Variants in PTPRT observed in about 807,000 individuals in gnomAD.
PTPRT encodes the protein protein tyrosine phosphatase receptor type T.
A neutral mutation model predicts 176.8 loss-of-function variants in PTPRT; 56 were observed. That is an observed-to-expected ratio of 0.32 (90% confidence interval 0.26 to 0.40). The LOEUF is 0.40. Ranked by LOEUF, PTPRT falls within the 10% of genes least tolerant of loss-of-function variation. PTPRT has a pLI of 1.00. For synonymous variants in PTPRT, 783 were observed against 739.0 expected (o/e 1.06, Z -0.96); for missense variants, 1,540 against 1,908.2 (o/e 0.81, Z 3.60).
At chr20:43,169,933 T>C (rs1387267554) in intron 1 of PTPRT, among the ~76,000 whole-genome samples, 1 of 152,170 alleles carries the variant, frequency 6.6e-6, no homozygotes, top group African/African-American at 2.4e-5. Flanking sequence ...AATATCTCTT[T>C]GGTGGCTCAG....
At chr20:42,264,495 A>G (rs2056806425) in intron 13 of PTPRT, among the ~76,000 whole-genome samples, 1 of 152,192 alleles carries the variant, frequency 6.6e-6, no homozygotes, top group African/African-American at 2.4e-5. Context: ...TGCCCAGAAC[A>G]GCTGAGGAGG....
At chr20:42,206,997 C>A (rs552055319) in intron 15 of PTPRT, among the ~76,000 whole-genome samples, 156 of 152,340 alleles carry the variant, frequency 1.0e-3, no homozygotes, top group African/African-American at 3.5e-3. Context: ...GACCCCCGAG[C>A]AGCCTAACTG....
intron 12 of PTPRT, among the ~76,000 whole-genome samples, chr20:42,295,883 TC>T (rs2057379300): frequency 6.6e-6 from 1 of 152,192 alleles, no homozygotes; most frequent in Non-Finnish European, 1.5e-5. Flanking sequence ...GGGCTCTAGT[TC>T]CTTTGCTTCG....
intron 5 of PTPRT, among the ~76,000 whole-genome samples, chr20:42,758,941 G>T (rs775039481): frequency 2.0e-5 from 3 of 152,256 alleles, no homozygotes; most frequent in African/African-American, 7.2e-5. Context: ...CTTTGCAGGA[G>T]ATGGCACAAC....
At chr20:43,044,669 C>T (rs1986762695) in intron 1 of PTPRT, among the ~76,000 whole-genome samples, 1 of 152,138 alleles carries the variant, frequency 6.6e-6, no homozygotes, top group African/African-American at 2.4e-5. Flanking sequence ...ACTGATAGCA[C>T]CTACCTCAAA....
chr20:42,915,767 AT>A (rs913379743), intron 1 of PTPRT, among the ~76,000 whole-genome samples: 21 of 148,278 alleles, frequency 1.4e-4, no homozygotes, highest in Admixed American at 5.4e-4. Context: ...AATTTTTTGT[AT>A]TTTTTTTTTC....
intron 16 of PTPRT, among the ~76,000 whole-genome samples, chr20:42,195,953 C>T (rs1991199747): frequency 6.6e-6 from 1 of 152,164 alleles, no homozygotes; most frequent in African/African-American, 2.4e-5. Context: ...GTGTTTTCAT[C>T]TTAAGGGTCT....
the PTPRT span, among the ~76,000 whole-genome samples, chr20:42,039,607 T>A: frequency 9.9e-5 from 15 of 151,108 alleles, no homozygotes; most frequent in African/African-American, 3.4e-4. Flanking sequence ...CCTGGCTTAC[T>A]TAACATAATG....
At chr20:42,881,716 C>A (rs544772645) in intron 2 of PTPRT, among the ~76,000 whole-genome samples, 1 of 117,300 alleles carries the variant, frequency 8.5e-6, no homozygotes, top group African/African-American at 3.5e-5. Flanking sequence ...CAGAGCGACA[C>A]TCTGTCTCAA....
intron 9 of PTPRT, among the ~76,000 whole-genome samples, chr20:42,417,462 T>C (rs2059076778): frequency 6.6e-6 from 1 of 152,018 alleles, no homozygotes; most frequent in Admixed American, 6.6e-5. Context: ...GCTACCCCTA[T>C]ATTCCTTCTC....
intron 9 of PTPRT, among the ~76,000 whole-genome samples, chr20:42,402,990 CATT>C (rs2058924124): frequency 6.6e-6 from 1 of 152,194 alleles, no homozygotes; most frequent in Middle Eastern, 3.4e-3. Flanking sequence ...AGAAGGCAAT[CATT>C]ATTTAATTAT....
chr20:42,035,911 G>T, the PTPRT span, among the ~76,000 whole-genome samples: 2 of 152,188 alleles, frequency 1.3e-5, no homozygotes, highest in South Asian at 4.1e-4. Context: ...TCATTTATCT[G>T]TGTTTTTGTT....
At chr20:43,042,157 G>A (rs1042768122) in intron 1 of PTPRT, among the ~76,000 whole-genome samples, 9 of 152,142 alleles carry the variant, frequency 5.9e-5, no homozygotes, top group African/African-American at 7.2e-5. Flanking sequence ...TGCTCATTAC[G>A]GGCTATTTTC....
intron 7 of PTPRT, among the ~76,000 whole-genome samples, chr20:42,493,460 A>G (rs1018358662): frequency 4.6e-5 from 7 of 152,254 alleles, no homozygotes; most frequent in Admixed American, 2.0e-4. Flanking sequence ...TACTAAGCAC[A>G]GTACGTCAGT....
chr20:43,117,329 T>C (rs1285250345), intron 1 of PTPRT, among the ~76,000 whole-genome samples: 2 of 152,250 alleles, frequency 1.3e-5, no homozygotes, highest in Non-Finnish European at 2.9e-5. Flanking sequence ...CGCAGAAAGC[T>C]GCATTTACAC....
At chr20:42,353,109 T>C (rs1397245928) in intron 9 of PTPRT, among the ~76,000 whole-genome samples, 1 of 152,208 alleles carries the variant, frequency 6.6e-6, no homozygotes, top group African/African-American at 2.4e-5. Flanking sequence ...CGCTTCTTCA[T>C]TTGGACTAGC....
rs1022042203 is a variant in PTPRT, at chr20:42,085,952, CTTTTTTTTTTTT to C, written c.3847-111_3847-100del. ...GCTTTTCTTTTCTTTTTTTCTTTTTCTTTTTTTTTTTTGAGATGGAGCATCACTCTTGTTGCC... is the reference window on the plus strand; with the variant it reads ...GCTTTTCTTTTCTTTTTTTCTTTTTCGAGATGGAGCATCACTCTTGTTGCC... On this transcript the variant is annotated intron_variant, in intron 27 of 30. Coordinates refer to ENST00000373187, the MANE Select transcript of PTPRT (RefSeq NM_007050.6). 6 of 1,096,046 alleles carry C rather than the reference CTTTTTTTTTTTT, an allele frequency of 5.5e-6. No homozygotes were observed. In the African/African-American group the frequency reaches 8.2e-5, roughly 15 times the overall value. The allele number at this position is 1,096,046 out of a possible 1,614,324, so 67.9% of individuals were successfully genotyped here.
chr20:43,069,507 A>T (rs2011152755), intron 1 of PTPRT, among the ~76,000 whole-genome samples: 1 of 152,276 alleles, frequency 6.6e-6, no homozygotes, highest in Non-Finnish European at 1.5e-5. Flanking sequence ...GGCTGTAATA[A>T]ATAATATAAA....
intron 1 of PTPRT, among the ~76,000 whole-genome samples, chr20:42,988,481 C>T (rs1983720930): frequency 6.6e-6 from 1 of 152,108 alleles, no homozygotes; most frequent in Admixed American, 6.5e-5. Context: ...GGCTTCCCTC[C>T]CTCTGACTTG....
Sources: gnomAD v4.1 joint callset for allele counts (sites outside exome capture counted in the v4.1 genomes callset) on GRCh38, gnomAD v4.1.1 for gene constraint, MANE v1.5 for transcripts, NCBI Gene and HGNC (gene_info 2026-07-23, HGNC 2026-07-21) for gene names.